Variants in CDH18 observed in about 807,000 individuals in gnomAD.
CDH18 encodes cadherin-18.
CDH18 carries 31 observed loss-of-function variants against 67.9 expected under a neutral mutation model. The observed-to-expected ratio is 0.46, with a 90% CI of 0.34 to 0.62. CDH18 has a LOEUF of 0.62. CDH18 is among the 20% of genes least tolerant of loss of function. The pLI, the probability that CDH18 is intolerant of heterozygous loss-of-function variation, is 0.01. For missense variants in CDH18, 890 were observed against 975.5 expected (o/e 0.91, Z 1.17); for synonymous variants, 362 against 347.2 (o/e 1.04, Z -0.48).
chr5:20,278,706 C>T (rs985324562), intron 1 of CDH18, among the ~76,000 whole-genome samples: 8 of 151,882 alleles, frequency 5.3e-5, no homozygotes, highest in Non-Finnish European at 8.8e-5. Context: ...ATACAAAGAA[C>T]GAACAGTTAA....
At chr5:19,929,102 T>G (rs577480127) in intron 2 of CDH18, among the ~76,000 whole-genome samples, 43 of 152,108 alleles carry the variant, frequency 2.8e-4, no homozygotes, top group African/African-American at 9.6e-4. Flanking sequence ...TTAATGAAAG[T>G]TTCTAGGACT....
chr5:20,277,946 G>T (rs1407051287), intron 1 of CDH18, among the ~76,000 whole-genome samples: 4 of 152,098 alleles, frequency 2.6e-5, no homozygotes, highest in Non-Finnish European at 5.9e-5. Context: ...TTGAAGACAG[G>T]TTATTTGAAA....
At chr5:20,165,948 A>G (rs1348747992) in intron 2 of CDH18, among the ~76,000 whole-genome samples, 1 of 151,994 alleles carries the variant, frequency 6.6e-6, no homozygotes, top group Admixed American at 6.6e-5. Flanking sequence ...AACTGTGTCC[A>G]TTTTTTTCTT....
chr5:20,316,312 A>G (rs1049141044), intron 1 of CDH18, among the ~76,000 whole-genome samples: 1 of 152,084 alleles, frequency 6.6e-6, no homozygotes, highest in Non-Finnish European at 1.5e-5. Context: ...CAGAAAAATG[A>G]TGTTGAGAAA....
At chr5:19,603,384 ATGGGT>A (rs1747484710) in intron 6 of CDH18, among the ~76,000 whole-genome samples, 9 of 152,150 alleles carry the variant, frequency 5.9e-5, no homozygotes, top group Admixed American at 5.9e-4. Flanking sequence ...CCATTAAACA[ATGGGT>A]ACAAAGTTTT....
At chr5:19,894,979 T>C (rs1406004732) in intron 2 of CDH18, among the ~76,000 whole-genome samples, 1 of 152,178 alleles carries the variant, frequency 6.6e-6, no homozygotes, top group Admixed American at 6.5e-5. Flanking sequence ...GTGTCTTTGT[T>C]CTCATTGCAA....
At chr5:20,241,866 T>A (rs71578723) in intron 2 of CDH18, among the ~76,000 whole-genome samples, 2,757 of 107,266 alleles carry the variant, frequency 0.026, 39 homozygotes, top group Middle Eastern at 0.058. Flanking sequence ...AAAAAAAAAA[T>A]AAAATAAAAT....
intron 2 of CDH18, among the ~76,000 whole-genome samples, chr5:19,951,445 G>T (rs1795774564): frequency 6.6e-6 from 1 of 152,056 alleles, no homozygotes. Context: ...GTAATTGACA[G>T]TATCTATTTG....
chr5:19,696,823 T>C (rs531261335), intron 5 of CDH18, among the ~76,000 whole-genome samples: 176 of 152,288 alleles, frequency 1.2e-3, no homozygotes, highest in African/African-American at 3.9e-3. Flanking sequence ...TATGATAAGC[T>C]CAAACACATT....
chr5:20,053,776 C>T (rs534001692), intron 2 of CDH18, among the ~76,000 whole-genome samples: 1 of 152,218 alleles, frequency 6.6e-6, no homozygotes, highest in East Asian at 1.9e-4. Flanking sequence ...TCTCCACCCA[C>T]CTCATTCTCA....
chr5:19,576,402 T>A (rs1404877444), intron 7 of CDH18, among the ~76,000 whole-genome samples: 1 of 147,092 alleles, frequency 6.8e-6, no homozygotes, highest in Non-Finnish European at 1.5e-5. Context: ...AAAAAAAAAA[T>A]ACAAATCACT....
chr5:19,837,198 G>T (rs555682367), intron 3 of CDH18, among the ~76,000 whole-genome samples: 92 of 152,018 alleles, frequency 6.1e-4, no homozygotes, highest in Admixed American at 2.0e-3. Context: ...TCATAAGTGG[G>T]GGTTGAACAA....
chr5:20,049,448 C>CCT (rs1580122644), intron 2 of CDH18, among the ~76,000 whole-genome samples: 1 of 151,126 alleles, frequency 6.6e-6, no homozygotes, highest in South Asian at 2.1e-4. Flanking sequence ...ACAACAAACC[C>CCT]CCATGACATG....
intron 1 of CDH18, among the ~76,000 whole-genome samples, chr5:20,475,464 C>T (rs1752373310): frequency 6.6e-6 from 1 of 152,046 alleles, no homozygotes; most frequent in South Asian, 2.1e-4. Context: ...TGTAAATGAT[C>T]AAATTTGTAT....
At chr5:19,957,496 CT>C (rs1409343990) in intron 2 of CDH18, among the ~76,000 whole-genome samples, 1 of 151,668 alleles carries the variant, frequency 6.6e-6, no homozygotes, top group African/African-American at 2.4e-5. Flanking sequence ...TTTGAATAAT[CT>C]TTTCTAAGTT....
At position 19,553,500 on chromosome 5, in the gene CDH18, T is replaced by C. The variant is rs575938196; in HGVS notation, c.1254-9495A>G. ...AATATTTGCAGGTACAAGACATGAA[T>C]GGTAAAGCAAATGTATTTAAGATTT... On this transcript the variant is annotated intron_variant, in intron 8 of 12. Transcript: ENST00000382275. 3.9e-5 allele frequency among the ~76,000 whole-genome samples: 6 copies of C among 152,038 alleles called. No homozygotes were observed. The East Asian group carries it at 1.2e-3, about 29-fold the overall frequency.
At chr5:20,385,812 C>A (rs953775670) in intron 1 of CDH18, among the ~76,000 whole-genome samples, 4 of 152,112 alleles carry the variant, frequency 2.6e-5, no homozygotes, top group African/African-American at 9.7e-5. Context: ...AACTTTGTAG[C>A]AGAAATTGTA....
chr5:19,536,083 C>A (rs1467484186), intron 9 of CDH18, among the ~76,000 whole-genome samples: 1 of 152,090 alleles, frequency 6.6e-6, no homozygotes, highest in East Asian at 1.9e-4. Context: ...AATTTACTAA[C>A]CACGTTCTAT....
At chr5:19,482,371 C>A (rs537827790) in intron 12 of CDH18, among the ~76,000 whole-genome samples, 1 of 152,108 alleles carries the variant, frequency 6.6e-6, no homozygotes. Flanking sequence ...CCGCCTCGGC[C>A]TCCCAAAGTG....
Sources: gnomAD v4.1 joint callset for allele counts (sites outside exome capture counted in the v4.1 genomes callset) on GRCh38, gnomAD v4.1.1 for gene constraint, MANE v1.5 for transcripts, NCBI Gene and HGNC (gene_info 2026-07-23, HGNC 2026-07-21) for gene names.